ATP8A1: variants seen among roughly 807,000 people sequenced by gnomAD.
The protein encoded by ATP8A1 is phospholipid-transporting ATPase IA.
Under a neutral mutation model 177.7 loss-of-function variants are expected in ATP8A1, and 90 were observed. That is an observed-to-expected ratio of 0.51 (90% CI 0.43 to 0.60). The LOEUF is 0.60. Among genes scored for constraint, ATP8A1 ranks in the 20% least tolerant of loss-of-function variants. ATP8A1 has a pLI of 0.00. For synonymous variants in ATP8A1, 493 were observed against 485.9 expected (o/e 1.01, Z -0.19); for missense variants, 1,072 against 1,392.8 (o/e 0.77, Z 3.67).
At chr4:42,554,717 T>C (rs1729873919) in intron 16 of ATP8A1, among the ~76,000 whole-genome samples, 1 of 152,168 alleles carries the variant, frequency 6.6e-6, no homozygotes, top group African/African-American at 2.4e-5. Flanking sequence ...AAACTGAGTG[T>C]CAGTGTGATG....
chr4:42,623,426 A>G (rs1737702185), intron 4 of ATP8A1, among the ~76,000 whole-genome samples: 1 of 152,230 alleles, frequency 6.6e-6, no homozygotes, highest in Non-Finnish European at 1.5e-5. Flanking sequence ...TCACAATAGC[A>G]AAGACATGAA....
intron 6 of ATP8A1, 149 bp from the exon 7 acceptor site, chr4:42,591,033 T>C (rs1384167393): frequency 1.2e-5 from 8 of 682,180 alleles, no homozygotes; most frequent in Non-Finnish European, 2.0e-5. Context: ...GCCAATTTTT[T>C]TCAAAACTTA....
rs187380344 is a variant in ATP8A1 at position 42,453,197 on chromosome 4, G to A, written c.2818-1138C>T. Among the ~76,000 whole-genome samples the A allele has an allele frequency of 2.6e-5, 4 of 152,134 alleles. No individual in the cohort carries two copies. In the East Asian group the frequency reaches 5.8e-4, roughly 22 times the overall value. On this transcript the variant is annotated intron_variant, in intron 29 of 36. Coordinates refer to ENST00000381668, the MANE Select transcript of ATP8A1 (RefSeq NM_006095.2). The stretch of plus-strand genomic sequence containing the variant: ...CCCCTGTCACGACCTCAGAACCTCC[G>A]ACCCTTTTTACCATAACAAACATAA...
intron 36 of ATP8A1, among the ~76,000 whole-genome samples, chr4:42,413,699 G>C (rs1363414893): frequency 6.6e-6 from 1 of 152,138 alleles, no homozygotes; most frequent in East Asian, 1.9e-4. Context: ...TTTGCTTTTA[G>C]GAATTTTGTG....
chr4:42,614,706 C>T (rs903294050), intron 5 of ATP8A1, among the ~76,000 whole-genome samples: 1 of 152,180 alleles, frequency 6.6e-6, no homozygotes, highest in Non-Finnish European at 1.5e-5. Flanking sequence ...CTCAGCCTAC[C>T]TTTTAAATCA....
At position 42,555,151 on chromosome 4, in the gene ATP8A1, TATCTATCTATC is replaced by T. The variant is rs1730040043; in HGVS notation, c.1413+806_1413+816del. On this transcript the variant is annotated intron_variant, in intron 16 of 36. Coordinates refer to ENST00000381668, the MANE Select transcript of ATP8A1 (RefSeq NM_006095.2). ...TATCTATCTATCTAATCTATCTATC[TATCTATCTATC>T]TATCTATCTATCTATCTATCTATCT... Among the ~76,000 whole-genome samples, 9 of 100,270 alleles carry T rather than the reference TATCTATCTATC, an allele frequency of 9.0e-5. No individual in the cohort carries two copies. The South Asian group carries it at 2.2e-3, about 24-fold the overall frequency. The allele number at this position is 100,270 out of a possible 152,430, so 65.8% of individuals were successfully genotyped here. A position where few individuals can be genotyped will look rare whatever the true frequency, so the allele number is the denominator to read the frequency against.
chr4:42,556,099 T>C (rs1437808028), intron 15 of ATP8A1, 59 bp from the exon 16 acceptor site: 3 of 1,232,756 alleles, frequency 2.4e-6, no homozygotes, highest in East Asian at 4.8e-5. Flanking sequence ...ACTGATCTAT[T>C]TGTTAATGTA....
chr4:42,480,853 G>C (rs1358507507), intron 25 of ATP8A1, among the ~76,000 whole-genome samples: 1 of 151,932 alleles, frequency 6.6e-6, no homozygotes, highest in Non-Finnish European at 1.5e-5. Context: ...GTTGCAAGTA[G>C]GAAAAAATGC....
At chr4:42,521,406 G>A (rs1485619966) in intron 22 of ATP8A1, among the ~76,000 whole-genome samples, 1 of 152,102 alleles carries the variant, frequency 6.6e-6, no homozygotes, top group Non-Finnish European at 1.5e-5. Flanking sequence ...ATGTTGTGAG[G>A]ACTAGATTAA....
intron 24 of ATP8A1, among the ~76,000 whole-genome samples, chr4:42,486,129 T>C (rs1722177622): frequency 6.6e-6 from 1 of 152,214 alleles, no homozygotes; most frequent in African/African-American, 2.4e-5. Context: ...GGGTCATTTA[T>C]AACCTGACGC....
At chr4:42,430,094 A>T (rs1291530831) in intron 33 of ATP8A1, among the ~76,000 whole-genome samples, 1 of 152,214 alleles carries the variant, frequency 6.6e-6, no homozygotes, top group Non-Finnish European at 1.5e-5. Flanking sequence ...TTGAATTTAC[A>T]CTTAAAATGA....
At position 42,460,040 on chromosome 4, in the gene ATP8A1, C is replaced by G. The variant is rs908964242; in HGVS notation, c.2620-4441G>C. On this transcript the variant is annotated intron_variant, in intron 27 of 36. Coordinates refer to ENST00000381668, the MANE Select transcript of ATP8A1 (RefSeq NM_006095.2). ...TCTCCTGTCCTCGTGATCCACCCCC[C>G]TCGGCCTCCCAAAGTGCTAGGATTA... Among the ~76,000 whole-genome samples the G allele has an allele frequency of 3.3e-5, 5 of 152,200 alleles. No homozygotes were observed. In the South Asian group the frequency reaches 8.3e-4, roughly 25 times the overall value.
intron 16 of ATP8A1, among the ~76,000 whole-genome samples, chr4:42,554,965 A>G (rs964407385): frequency 1.3e-5 from 2 of 152,148 alleles, no homozygotes; most frequent in Non-Finnish European, 2.9e-5. Flanking sequence ...GCCCTCAAAC[A>G]TTGAACTCCA....
chr4:42,496,211 G>A (rs1337667346), intron 24 of ATP8A1, among the ~76,000 whole-genome samples: 4 of 152,310 alleles, frequency 2.6e-5, no homozygotes, highest in South Asian at 2.1e-4. Flanking sequence ...GTTTCAGCAC[G>A]GGGGTGGGGA....
chr4:42,634,996 C>T (rs928747034), intron 1 of ATP8A1, among the ~76,000 whole-genome samples: 17 of 152,148 alleles, frequency 1.1e-4, no homozygotes, highest in Non-Finnish European at 2.4e-4. Context: ...ATTAATCTCG[C>T]CTTCAAAATA....
At chr4:42,454,706 C>T (rs1338650072) in intron 29 of ATP8A1, among the ~76,000 whole-genome samples, 2 of 151,670 alleles carry the variant, frequency 1.3e-5, no homozygotes, top group African/African-American at 4.8e-5. Flanking sequence ...TGGATCACAC[C>T]CAGAATGTGA....
rs536404370 is a variant in ATP8A1, at chr4:42,601,369, G to A, written c.410-851C>T. 5.8e-4 allele frequency among the ~76,000 whole-genome samples: 35 copies of A among 60,818 alleles called. No individual in the cohort carries two copies. In the South Asian group the frequency reaches 0.019, roughly 33 times the overall value. 39.9% of individuals were successfully genotyped at this position (60,818 alleles called of 152,430 possible). Reference sequence around the variant, plus strand: ...CCAAATTTTCTATATTTGGTTTTCTGAAAAGAAAAAAAAAAGGCAGAAGAA... The same window carrying A: ...CCAAATTTTCTATATTTGGTTTTCTAAAAAGAAAAAAAAAAGGCAGAAGAA... On this transcript the variant is annotated intron_variant, in intron 5 of 36. Transcript: ENST00000381668.
intron 14 of ATP8A1, among the ~76,000 whole-genome samples, chr4:42,573,353 T>C (rs1221310369): frequency 2.0e-5 from 3 of 152,264 alleles, no homozygotes; most frequent in Admixed American, 2.0e-4. Flanking sequence ...TCTGGGATGA[T>C]TGTGGGTAGA....
intron 5 of ATP8A1, among the ~76,000 whole-genome samples, chr4:42,602,694 G>A (rs534446969): frequency 1.8e-4 from 27 of 152,128 alleles, no homozygotes; most frequent in Admixed American, 1.3e-3. Context: ...GCTTGACCCC[G>A]CGAGGGGGAG....
Sources: gnomAD v4.1 joint callset for allele counts (sites outside exome capture counted in the v4.1 genomes callset) on GRCh38, gnomAD v4.1.1 for gene constraint, MANE v1.5 for transcripts, NCBI Gene and HGNC (gene_info 2026-07-23, HGNC 2026-07-21) for gene names.